Variants in GLIS3 observed in about 807,000 individuals in gnomAD.
GLIS3 encodes the protein zinc finger protein GLIS3.
A neutral mutation model predicts 78.6 loss-of-function variants in GLIS3; 53 were observed. The observed-to-expected ratio is 0.67, with a 90% CI of 0.54 to 0.85. GLIS3 has a LOEUF of 0.85. GLIS3 is among the 40% of genes least tolerant of loss of function. The pLI is 0.00. For synonymous variants in GLIS3, 684 were observed against 509.9 expected, an observed-to-expected ratio of 1.34 and a Z score of -4.60; for missense variants, 1,703 against 1,231.1, an observed-to-expected ratio of 1.38 and a Z score of -5.74.
chr9:4,239,968 A>ACTT (rs1457967745), intron 2 of GLIS3, among the ~76,000 whole-genome samples: 1 of 152,190 alleles, frequency 6.6e-6, no homozygotes, highest in African/African-American at 2.4e-5. Context: ...TTATTAAGTT[A>ACTT]CTTTTTTCTA....
intron 2 of GLIS3, among the ~76,000 whole-genome samples, chr9:4,135,923 T>C (rs984100031): frequency 2.6e-5 from 4 of 152,148 alleles, no homozygotes; most frequent in Admixed American, 2.6e-4. Context: ...TTTGTCAAAT[T>C]CATAATATTT....
the GLIS3 span, among the ~76,000 whole-genome samples, chr9:4,462,472 G>A: frequency 6.6e-6 from 1 of 151,996 alleles, no homozygotes; most frequent in Admixed American, 6.6e-5. Context: ...AGAAGGAGAT[G>A]GCCAGGAGCA....
intron 2 of GLIS3, among the ~76,000 whole-genome samples, chr9:4,161,259 C>G (rs1168216678): frequency 6.6e-6 from 1 of 151,738 alleles, no homozygotes; most frequent in Non-Finnish European, 1.5e-5. Flanking sequence ...GGAGACAAAG[C>G]GAGACCCTGT....
intron 4 of GLIS3, among the ~76,000 whole-genome samples, chr9:4,002,248 GA>G (rs1821170450): frequency 6.6e-6 from 1 of 152,116 alleles, no homozygotes; most frequent in Non-Finnish European, 1.5e-5. Context: ...TCTAGAAGCT[GA>G]AAAAGTCAAG....
rs1437504691 is a variant in GLIS3 at position 3,926,593 on chromosome 9, TTTTC to T, written c.1983+5763_1983+5766del. ...TTTCATTTCTTTCTTCCTTTCCTCC[TTTTC>T]TTTCTCTCTCCTTCCTTCCTTCCTT... is the stretch of plus-strand genomic sequence containing the variant. On this transcript the variant is annotated intron_variant, in intron 6 of 10. Coordinates refer to ENST00000381971, the MANE Select transcript of GLIS3 (RefSeq NM_001042413.2). Among the ~76,000 whole-genome samples the T allele has an allele frequency of 4.6e-5, 7 of 151,962 alleles. 1 individual carries two copies. In the South Asian group the frequency reaches 1.3e-3, roughly 27 times the overall value.
At chr9:3,952,443 T>G (rs1816761627) in intron 4 of GLIS3, among the ~76,000 whole-genome samples, 1 of 152,150 alleles carries the variant, frequency 6.6e-6, no homozygotes, top group African/African-American at 2.4e-5. Flanking sequence ...CTTTGCACAC[T>G]GTATTTTTCC....
At chr9:4,128,721 C>T (rs145997073) in intron 2 of GLIS3, among the ~76,000 whole-genome samples, 6 of 152,290 alleles carry the variant, frequency 3.9e-5, no homozygotes, top group Non-Finnish European at 5.9e-5. Flanking sequence ...TCTTCCTGGG[C>T]CAGAATTTTA....
intron 4 of GLIS3, among the ~76,000 whole-genome samples, chr9:3,971,118 C>A (rs539237720): frequency 1.2e-5 from 1 of 86,752 alleles, no homozygotes; most frequent in African/African-American, 4.1e-5. Context: ...AAGGAAGGAT[C>A]GAAGGAAGGA....
chr9:4,105,200 T>C (rs1830657734), intron 4 of GLIS3, among the ~76,000 whole-genome samples: 2 of 152,208 alleles, frequency 1.3e-5, no homozygotes, highest in Admixed American at 1.3e-4. Context: ...CAAAGTGATT[T>C]AGAGATGGTC....
intron 4 of GLIS3, among the ~76,000 whole-genome samples, chr9:4,117,393 G>A (rs963934048): frequency 2.0e-5 from 3 of 152,178 alleles, no homozygotes; most frequent in Non-Finnish European, 1.5e-5. Context: ...AAAAGTCACT[G>A]CATATTTGCT....
At chr9:4,251,697 T>G (rs377760521) in intron 2 of GLIS3, among the ~76,000 whole-genome samples, 3 of 152,100 alleles carry the variant, frequency 2.0e-5, no homozygotes, top group African/African-American at 7.2e-5. Flanking sequence ...GTTTCTTCAG[T>G]GTCGATGGTC....
intron 2 of GLIS3, among the ~76,000 whole-genome samples, chr9:4,203,305 T>C (rs10974391): frequency 0.064 from 9,680 of 152,172 alleles, 500 homozygotes; most frequent in East Asian, 0.22. Flanking sequence ...ATGGCTGTTA[T>C]TAAAAAGTGA....
intron 2 of GLIS3, among the ~76,000 whole-genome samples, chr9:4,261,070 A>C (rs569705230): frequency 6.6e-6 from 1 of 152,364 alleles, no homozygotes; most frequent in African/African-American, 2.4e-5. Context: ...TTTAAGCCCA[A>C]GCAGCAAGTA....
chr9:4,445,324 C>T, the GLIS3 span, among the ~76,000 whole-genome samples: 1 of 152,128 alleles, frequency 6.6e-6, no homozygotes, highest in African/African-American at 2.4e-5. Context: ...CAGGAAGCGA[C>T]AATAGAAATA....
chr9:4,012,437 A>G (rs557348566), intron 4 of GLIS3, among the ~76,000 whole-genome samples: 1 of 152,286 alleles, frequency 6.6e-6, no homozygotes, highest in South Asian at 2.1e-4. Context: ...GGGGAAAAAA[A>G]TAGACCCACA....
At chr9:4,037,908 C>T (rs1171844146) in intron 4 of GLIS3, among the ~76,000 whole-genome samples, 1 of 151,742 alleles carries the variant, frequency 6.6e-6, no homozygotes, top group African/African-American at 2.4e-5. Flanking sequence ...ATTTTATACA[C>T]ACTTTTCAGC....
chr9:4,276,767 G>C (rs1827074415), intron 2 of GLIS3, among the ~76,000 whole-genome samples: 1 of 152,100 alleles, frequency 6.6e-6, no homozygotes, highest in African/African-American at 2.4e-5. Context: ...TCATCAATTT[G>C]ATTTATACAA....
chr9:4,357,064 G>C, the GLIS3 span, among the ~76,000 whole-genome samples: 1 of 152,162 alleles, frequency 6.6e-6, no homozygotes, highest in African/African-American at 2.4e-5. Flanking sequence ...TATACAAACA[G>C]AACTGAAACA....
At chr9:4,045,535 C>A (rs1057244267) in intron 4 of GLIS3, among the ~76,000 whole-genome samples, 1 of 151,256 alleles carries the variant, frequency 6.6e-6, no homozygotes, top group African/African-American at 2.4e-5. Context: ...AGATGGGTTT[C>A]ACCATGTTGG....
Sources: gnomAD v4.1 joint callset for allele counts (sites outside exome capture counted in the v4.1 genomes callset) on GRCh38, gnomAD v4.1.1 for gene constraint, MANE v1.5 for transcripts, NCBI Gene and HGNC (gene_info 2026-07-23, HGNC 2026-07-21) for gene names.